The following MAGI1 variants were observed in gnomAD, a reference collection of about 807,000 sequenced individuals.
MAGI1 encodes the protein membrane-associated guanylate kinase, WW and PDZ domain-containing protein 1.
In MAGI1, 58 loss-of-function variants were observed where a neutral mutation model predicts 139.9. That is an observed-to-expected ratio of 0.41 (90% CI 0.34 to 0.52). The LOEUF is 0.52. Ranked by LOEUF, MAGI1 falls within the 20% of genes least tolerant of loss-of-function variation. MAGI1 has a pLI of 0.12. For synonymous variants in MAGI1, 812 were observed against 737.9 expected (o/e 1.10, Z -1.63); for missense variants, 1,874 against 1,901.6 (o/e 0.99, Z 0.27).
intron 1 of MAGI1, among the ~76,000 whole-genome samples, chr3:65,851,041 A>T (rs1307376474): frequency 6.6e-6 from 1 of 152,074 alleles, no homozygotes; most frequent in Non-Finnish European, 1.5e-5. Flanking sequence ...GGGGAGGCAG[A>T]AGTTGCAGTG....
chr3:65,917,619 CCA>C (rs1290097352), intron 1 of MAGI1, among the ~76,000 whole-genome samples: 2 of 152,128 alleles, frequency 1.3e-5, no homozygotes, highest in Admixed American at 6.6e-5. Flanking sequence ...AAGAAACACA[CCA>C]TCAAGCCATG....
At chr3:65,517,800 G>T (rs547624058) in intron 2 of MAGI1, among the ~76,000 whole-genome samples, 23 of 152,162 alleles carry the variant, frequency 1.5e-4, no homozygotes, top group Middle Eastern at 3.4e-3. Flanking sequence ...ACCCAACCAT[G>T]CAGGCTGCTT....
intron 20 of MAGI1, 65 bp downstream of exon 20, chr3:65,364,600 A>T (rs1941228344): frequency 2.8e-6 from 4 of 1,407,686 alleles, no homozygotes; most frequent in Non-Finnish European, 4.0e-6. Flanking sequence ...TATCCCATAA[A>T]AGTAGCTTGA....
intron 1 of MAGI1, among the ~76,000 whole-genome samples, chr3:66,032,453 C>T (rs1418800899): frequency 6.8e-6 from 1 of 147,746 alleles, no homozygotes; most frequent in Non-Finnish European, 1.5e-5. Flanking sequence ...AACTCCTGAC[C>T]TTGTGATCCA....
Position 65,381,944 on chromosome 3 carries a change from C to T in MAGI1, c.2634G>A (p.Gln878=). 1 of 1,614,130 alleles carries T rather than the reference C, an allele frequency of 6.2e-7. No homozygotes were observed. The highest frequency in any genetic ancestry group is 8.5e-7 in the Non-Finnish European group (1 of 1,180,036). ...VIGKSHQLVV[Q]LMQQAAKQGH... ...CTTGCTTGGCAGCTTGTTGCATAAG[C>T]TGGACCACAAGCTGGTGTGATTTTC... The change falls in exon 16 of 23, where the codon CAG becomes CAA. Residue 878 remains glutamine, a synonymous_variant. Transcript: ENST00000402939.
intron 2 of MAGI1, among the ~76,000 whole-genome samples, chr3:65,617,271 T>G (rs1330280164): frequency 3.3e-5 from 5 of 152,192 alleles, no homozygotes; most frequent in Non-Finnish European, 5.9e-5. Flanking sequence ...TAGGTGACCT[T>G]TGCTTGAAAA....
At chr3:65,626,531 C>G (rs536722777) in intron 1 of MAGI1, among the ~76,000 whole-genome samples, 3 of 152,232 alleles carry the variant, frequency 2.0e-5, no homozygotes, top group Non-Finnish European at 2.9e-5. Flanking sequence ...ACTATGTTGC[C>G]TAGGCTGGTC....
chr3:65,379,585 C>G lies in MAGI1; in HGVS notation c.2702-31G>C. ...GCAGAGAGATGCACGCGTACATCAC[C>G]GTGTCCTGCAGCCCCTCCATCCTGC... On this transcript the variant is annotated intron_variant, in intron 16 of 22. Transcript: ENST00000402939. The G allele has an allele frequency of 3.8e-6, 6 of 1,581,290 alleles. No individual in the cohort carries two copies. In the African/African-American group the frequency reaches 4.0e-5, roughly 11 times the overall value.
intron 1 of MAGI1, among the ~76,000 whole-genome samples, chr3:66,013,406 T>TAAA (rs35481450): frequency 5.1e-4 from 56 of 109,992 alleles, no homozygotes; most frequent in African/African-American, 1.7e-3. Flanking sequence ...CTGTCTCAAA[T>TAAA]AAAAAAAAAA....
chr3:65,916,076 C>CT (rs149571106), intron 1 of MAGI1, among the ~76,000 whole-genome samples: 64,019 of 148,998 alleles, frequency 0.43, 14,292 homozygotes, highest in East Asian at 0.74. Context: ...TCTTTCTTTT[C>CT]TTTTTTTTGA....
intron 1 of MAGI1, among the ~76,000 whole-genome samples, chr3:65,721,927 G>C (rs1048803907): frequency 6.6e-6 from 1 of 151,634 alleles, no homozygotes; most frequent in Non-Finnish European, 1.5e-5. Context: ...TTCCCAGTGT[G>C]TCTCAACTCT....
At chr3:65,706,353 G>A (rs559193164) in intron 1 of MAGI1, among the ~76,000 whole-genome samples, 41 of 152,296 alleles carry the variant, frequency 2.7e-4, no homozygotes, top group African/African-American at 9.1e-4. Context: ...AAGCCTCACT[G>A]GGATATTTAG....
At chr3:65,839,987 G>C (rs1352848362) in intron 1 of MAGI1, among the ~76,000 whole-genome samples, 1 of 151,986 alleles carries the variant, frequency 6.6e-6, no homozygotes, top group Non-Finnish European at 1.5e-5. Flanking sequence ...TATATATTTT[G>C]TTAGAGTTAT....
At chr3:65,872,603 CA>C (rs2059976197) in intron 1 of MAGI1, among the ~76,000 whole-genome samples, 1 of 152,138 alleles carries the variant, frequency 6.6e-6, no homozygotes, top group South Asian at 2.1e-4. Flanking sequence ...TTATGTCTAC[CA>C]AAACACTCAG....
intron 2 of MAGI1, among the ~76,000 whole-genome samples, chr3:65,574,445 TAAA>T (rs56669559): frequency 9.2e-6 from 1 of 108,564 alleles, no homozygotes; most frequent in Admixed American, 9.4e-5. Context: ...GCATAGAAAC[TAAA>T]AAAAAAAAAA....
At chr3:65,598,509 G>A (rs1328210431) in intron 2 of MAGI1, among the ~76,000 whole-genome samples, 1 of 152,182 alleles carries the variant, frequency 6.6e-6, no homozygotes, top group African/African-American at 2.4e-5. Context: ...AACTTTGGAA[G>A]GAATTCCAAT....
At chr3:65,840,064 T>C (rs566659349) in intron 1 of MAGI1, among the ~76,000 whole-genome samples, 158 of 152,308 alleles carry the variant, frequency 1.0e-3, no homozygotes, top group Non-Finnish European at 2.0e-3. Context: ...CATGTGGTCA[T>C]TGCCAGTATA....
At chr3:65,918,537 C>A (rs902918109) in intron 1 of MAGI1, among the ~76,000 whole-genome samples, 14 of 152,014 alleles carry the variant, frequency 9.2e-5, no homozygotes, top group Non-Finnish European at 1.8e-4. Context: ...TGCACCACCA[C>A]GCCCAGCTAA....
In MAGI1 at chr3:65,639,092, C is replaced by T. The variant is rs533142771; in HGVS notation, c.314-17004G>A. ...TGCCCTGATGACTGACAATGTTAGT[C>T]TTGTCAAGTACTAACAGAAGTGTCT... On this transcript the variant is annotated intron_variant, in intron 1 of 22. Transcript: ENST00000402939. Among the ~76,000 whole-genome samples the T allele has an allele frequency of 2.8e-3, 429 of 152,264 alleles. 1 individual carries two copies. The highest frequency in any genetic ancestry group is 0.01 in the Middle Eastern group (3 of 294).
Sources: allele counts gnomAD v4.1 joint callset (sites outside exome capture counted in the v4.1 genomes callset), GRCh38; gene constraint gnomAD v4.1.1; transcripts MANE v1.5; gene names NCBI Gene and HGNC (gene_info 2026-07-23, HGNC 2026-07-21).